ASPH: variants seen among roughly 807,000 people sequenced by gnomAD.
The protein encoded by ASPH is aspartate beta-hydroxylase.
A neutral mutation model predicts 118.4 loss-of-function variants in ASPH; 100 were observed. The ratio of observed to expected loss-of-function variants is 0.84; its 90% CI spans 0.72 to 1.00. The LOEUF (loss-of-function observed/expected upper bound fraction) is 1.00. Among genes scored for constraint, ASPH ranks in the 50% least tolerant of loss-of-function variants. ASPH has a pLI of 0.00. For missense variants in ASPH, 920 were observed against 919.5 expected, an observed-to-expected ratio of 1.00 and a Z score of -0.01; for synonymous variants, 315 against 325.6, an observed-to-expected ratio of 0.97 and a Z score of 0.35.
At chr8:61,607,603 C>T (rs992616010) in intron 14 of ASPH, among the ~76,000 whole-genome samples, 19 of 148,426 alleles carry the variant, frequency 1.3e-4, no homozygotes, top group African/African-American at 4.7e-4. Flanking sequence ...TTTCTTATTA[C>T]TTTAATAATA....
At chr8:61,634,935 A>T (rs1272839280) in intron 12 of ASPH, among the ~76,000 whole-genome samples, 1 of 152,204 alleles carries the variant, frequency 6.6e-6, no homozygotes, top group Non-Finnish European at 1.5e-5. Flanking sequence ...ACAAACTCAT[A>T]TGAAATTTCT....
chr8:61,624,657 G>A, intron 13 of ASPH: 1 of 985,308 alleles, frequency 1.0e-6, no homozygotes, highest in Non-Finnish European at 1.2e-6. Flanking sequence ...CATTAATTCA[G>A]ATATTTGGAA....
intron 12 of ASPH, among the ~76,000 whole-genome samples, chr8:61,634,785 T>G (rs1171067786): frequency 2.0e-5 from 3 of 152,226 alleles, no homozygotes; most frequent in Non-Finnish European, 4.4e-5. Context: ...ACTTTTGTTA[T>G]TCTACGCTCA....
intron 3 of ASPH, among the ~76,000 whole-genome samples, chr8:61,667,223 T>C (rs1820114224): frequency 6.6e-6 from 1 of 152,136 alleles, no homozygotes; most frequent in Non-Finnish European, 1.5e-5. Flanking sequence ...AACAGGCTTA[T>C]ATAGAGGCAT....
At chr8:61,700,706 C>T (rs1384625200) in intron 1 of ASPH, among the ~76,000 whole-genome samples, 5 of 152,144 alleles carry the variant, frequency 3.3e-5, no homozygotes, top group African/African-American at 1.2e-4. Context: ...TGAAAATTTG[C>T]AAAACACAAC....
At chr8:61,663,790 A>G (rs1818130378) in intron 3 of ASPH, 2 of 978,704 alleles carry the variant, frequency 2.0e-6, no homozygotes, top group Non-Finnish European at 2.4e-6. Context: ...CTGTTGTATA[A>G]TTCTATTGAG....
intron 3 of ASPH, chr8:61,658,566 G>C (rs1815017799): frequency 6.6e-6 from 1 of 152,058 alleles, no homozygotes; most frequent in African/African-American, 2.4e-5. Context: ...TACACTTTTT[G>C]GTTTCCACAA....
chr8:61,682,193 T>A (rs1297333154), intron 2 of ASPH, among the ~76,000 whole-genome samples: 2 of 151,972 alleles, frequency 1.3e-5, no homozygotes, highest in African/African-American at 2.4e-5. Flanking sequence ...ATGATTATGA[T>A]GAAAGAAGAG....
chr8:61,503,653 A>G, intron 24 of ASPH, 144 bp from the exon 25 acceptor site: 1 of 748,646 alleles, frequency 1.3e-6, no homozygotes, highest in South Asian at 2.5e-5. Flanking sequence ...GCCCAAGTTT[A>G]TTCTTCCCTT....
chr8:61,548,252 G>A (rs775129488), intron 20 of ASPH, 44 bp from the exon 21 acceptor site: 1 of 1,531,538 alleles, frequency 6.5e-7, no homozygotes, highest in Non-Finnish European at 8.8e-7. Flanking sequence ...TCCTTCAACA[G>A]AGCATTTTTA....
intron 21 of ASPH, among the ~76,000 whole-genome samples, chr8:61,542,125 G>A (rs771523601): frequency 3.3e-5 from 5 of 152,042 alleles, no homozygotes; most frequent in Non-Finnish European, 5.9e-5. Context: ...AGTCTTTCCT[G>A]GTTAATGTTT....
At chr8:61,683,943 T>C in intron 2 of ASPH, 96 bp downstream of exon 2, 1 of 1,397,518 alleles carries the variant, frequency 7.2e-7, no homozygotes, top group Non-Finnish European at 9.8e-7. Context: ...GCTATAGAAA[T>C]TACCAGTACC....
intron 4 of ASPH, among the ~76,000 whole-genome samples, chr8:61,651,704 T>C (rs940761137): frequency 6.6e-6 from 1 of 152,208 alleles, no homozygotes. Context: ...CCTTTCAGCT[T>C]TGGAGAACCA....
At chr8:61,634,192 CCTGT>C (rs1165443876) in intron 12 of ASPH, among the ~76,000 whole-genome samples, 1 of 152,232 alleles carries the variant, frequency 6.6e-6, no homozygotes, top group African/African-American at 2.4e-5. Flanking sequence ...TGTTTAATAT[CCTGT>C]CTTTTTCCTT....
In ASPH at chr8:61,570,241, G is replaced by A. The variant is rs1833061044; in HGVS notation, c.1150-2923C>T. ...TATAATAAAATGTTGAATATCTCAT[G>A]TAATTTATTGGATATGATACTGAAG... On this transcript the variant is annotated intron_variant, in intron 16 of 24. Transcript: ENST00000379454. Among the ~76,000 whole-genome samples the A allele has an allele frequency of 7.2e-5, 11 of 152,156 alleles. No individual in the cohort carries two copies. In the South Asian group the frequency reaches 2.3e-3, roughly 31 times the overall value.
chr8:61,638,241 C>T, intron 11 of ASPH, 81 bp downstream of exon 11: 1 of 1,507,592 alleles, frequency 6.6e-7, no homozygotes, highest in Non-Finnish European at 9.0e-7. Context: ...TACACTGACT[C>T]TTTGTTCCAC....
intron 24 of ASPH, among the ~76,000 whole-genome samples, chr8:61,504,565 TCA>T (rs1210835770): frequency 2.0e-5 from 3 of 152,316 alleles, no homozygotes; most frequent in Non-Finnish European, 4.4e-5. Context: ...TTGCAGGGCT[TCA>T]CAACCGTGGT....
chr8:61,693,376 C>T (rs1197937605), intron 1 of ASPH, among the ~76,000 whole-genome samples: 2 of 152,188 alleles, frequency 1.3e-5, no homozygotes, highest in African/African-American at 2.4e-5. Context: ...GAAGGCTCTG[C>T]TTTTTTGGCT....
intron 20 of ASPH, 140 bp downstream of exon 20, chr8:61,552,891 T>G: frequency 1.5e-6 from 1 of 659,840 alleles, no homozygotes. Context: ...CAAAGATAGT[T>G]TAAGTAACTA....
Sources: gnomAD v4.1 joint callset for allele counts (sites outside exome capture counted in the v4.1 genomes callset) on GRCh38, gnomAD v4.1.1 for gene constraint, MANE v1.5 for transcripts, NCBI Gene and HGNC (gene_info 2026-07-23, HGNC 2026-07-21) for gene names.